NOX5: variants seen among roughly 807,000 people sequenced by gnomAD.
NOX5 encodes the protein NADPH oxidase 5.
In NOX5, 76 loss-of-function variants were observed where a neutral mutation model predicts 85.7. The observed-to-expected ratio is 0.89, with a 90% CI of 0.74 to 1.07. The LOEUF (loss-of-function observed/expected upper bound fraction) is 1.07, where lower values mean the gene tolerates loss of function less well. NOX5 is among the 50% of genes least tolerant of loss of function. The probability of loss-of-function intolerance (pLI) is 0.00; values close to 1 mark genes in which losing one functional copy is unlikely to be tolerated. For synonymous variants in NOX5, 405 were observed against 401.4 expected (o/e 1.01, Z -0.11); for missense variants, 973 against 999.5 (o/e 0.97, Z 0.36).
Position 69,047,452 on chromosome 15 carries a change from A to C in NOX5, c.1732A>C (p.Ile578Leu). ...DGPYGTPTRR[I>L]FASEHAVLIG... ...GCCTTATGGGACCCCCACCCGCAGG[A>C]TCTTTGCCTCTGAGCATGCCGTGCT... is the stretch of plus-strand genomic sequence containing the variant. Residue 578 changes from isoleucine to leucine, a missense_variant, in exon 12 of 16, where the codon ATC becomes CTC. Transcript: ENST00000388866. 1.2e-6 allele frequency: 2 copies of C among 1,613,782 alleles called. No individual in the cohort carries two copies. The highest frequency in any genetic ancestry group is 1.7e-6 in the Non-Finnish European group (2 of 1,179,934).
At chr15:69,022,681 GA>G (rs796168439) in intron 1 of NOX5, 33 of 184,626 alleles carry the variant, frequency 1.8e-4, no homozygotes, top group South Asian at 7.1e-4. Context: ...GATGAATTGT[GA>G]AAAAAAAATG....
intron 2 of NOX5, 84 bp downstream of exon 2, chr15:69,026,735 G>T: frequency 6.3e-7 from 1 of 1,583,242 alleles, no homozygotes. Flanking sequence ...GGGAGGGAAA[G>T]GGAACTCCCT....
At chr15:69,029,861 T>A (rs2050407366) in intron 3 of NOX5, 1 of 152,142 alleles carries the variant, frequency 6.6e-6, no homozygotes, top group Admixed American at 6.5e-5. Context: ...GTATTTTTCA[T>A]AGAGATAGGG....
At position 69,016,796 on chromosome 15, in the gene NOX5, G is replaced by T. The variant is rs1376343981; in HGVS notation, c.50+2011G>T. On this transcript the variant is annotated intron_variant, in intron 1 of 15. Coordinates refer to ENST00000388866, the MANE Select transcript of NOX5 (RefSeq NM_024505.4). ...ACACACTAAAGCATATATGACATAT[G>T]CATATATATATATACATACATACAT... 4.0e-5 allele frequency among the ~76,000 whole-genome samples: 6 copies of T among 148,764 alleles called. No individual in the cohort carries two copies. In the East Asian group the frequency reaches 8.0e-4, roughly 20 times the overall value.
chr15:69,040,139 G>A (rs2050575326), intron 9 of NOX5, among the ~76,000 whole-genome samples: 1 of 152,274 alleles, frequency 6.6e-6, no homozygotes, highest in South Asian at 2.1e-4. Context: ...CAAGGCCAGG[G>A]TTTCCCCATG....
At chr15:69,052,323 ATT>A (rs1225266624) in intron 14 of NOX5, among the ~76,000 whole-genome samples, 1 of 152,066 alleles carries the variant, frequency 6.6e-6, no homozygotes, top group Non-Finnish European at 1.5e-5. Context: ...TTTACTAAGC[ATT>A]TACTCTCATC....
intron 1 of NOX5, among the ~76,000 whole-genome samples, chr15:69,024,436 G>T (rs141400805): frequency 6.6e-6 from 1 of 151,978 alleles, no homozygotes; most frequent in Non-Finnish European, 1.5e-5. Flanking sequence ...GAGCCTTTCT[G>T]CTCTGTCCCA....
At chr15:69,048,855 C>T (rs2050709697) in intron 13 of NOX5, 104 bp from the exon 14 acceptor site, 1 of 720,932 alleles carries the variant, frequency 1.4e-6, no homozygotes, top group Non-Finnish European at 2.3e-6. Context: ...CTGAATGTTC[C>T]CTGCTTACTT....
rs1279119942 is a variant in NOX5, at chr15:69,062,249, G to A, written c.*5553G>A. Reference sequence around the variant, plus strand: ...TAAATTGCCTATTGCCTGAATTGGTGCATCAGAGACAGGCTGGAGAAAGGA... The same window carrying A: ...TAAATTGCCTATTGCCTGAATTGGTACATCAGAGACAGGCTGGAGAAAGGA... On this transcript the variant is annotated 3_prime_UTR_variant, in exon 16 of 16. Transcript: ENST00000388866. The A allele has an allele frequency of 6.6e-6, 1 of 151,880 alleles. No homozygotes were observed. The highest frequency in any genetic ancestry group is 1.5e-5 in the Non-Finnish European group (1 of 67,970). 9.4% of individuals were successfully genotyped at this position (151,880 alleles called of 1,614,324 possible). A position where few individuals can be genotyped will look rare whatever the true frequency, so the allele number is the denominator to read the frequency against.
At chr15:69,044,965 C>G (rs1247198207) in intron 10 of NOX5, among the ~76,000 whole-genome samples, 1 of 152,148 alleles carries the variant, frequency 6.6e-6, no homozygotes, top group Non-Finnish European at 1.5e-5. Flanking sequence ...AAGGGAGATC[C>G]CTGGCCGCAG....
At chr15:69,017,527 T>A (rs992780155) in intron 1 of NOX5, among the ~76,000 whole-genome samples, 1 of 152,178 alleles carries the variant, frequency 6.6e-6, no homozygotes, top group Non-Finnish European at 1.5e-5. Flanking sequence ...TGAATCTACC[T>A]ACGACCCGGA....
chr15:69,043,899 T>C (rs796260289), intron 10 of NOX5, among the ~76,000 whole-genome samples: 16 of 152,272 alleles, frequency 1.1e-4, no homozygotes, highest in South Asian at 2.1e-4. Context: ...TAAAAGCTAA[T>C]TGGGGGCCGG....
In NOX5 at chr15:69,046,803, T is replaced by C. The variant is rs750136428; in HGVS notation, c.1648-19T>C. The C allele has an allele frequency of 2.7e-5, 43 of 1,611,880 alleles. No homozygotes were observed. The highest frequency in any genetic ancestry group is 3.3e-4 in the Middle Eastern group (2 of 6,052). Reference sequence around the variant, plus strand: ...CTGTCCATTCCAAGACCCATAACTCTCTGCTCTACTCCCTGCAGGGCTCTG... The same window carrying C: ...CTGTCCATTCCAAGACCCATAACTCCCTGCTCTACTCCCTGCAGGGCTCTG... On this transcript the variant is annotated intron_variant, in intron 10 of 15. Coordinates refer to ENST00000388866, the MANE Select transcript of NOX5 (RefSeq NM_024505.4).
At position 69,014,708 on chromosome 15, in the gene NOX5, G is replaced by A. The variant is rs138891084; in HGVS notation, c.-28G>A. The A allele has an allele frequency of 4.9e-3, 7,633 of 1,550,348 alleles. 38 individuals carry two copies. The highest frequency in any genetic ancestry group is 7.3e-3 in the Middle Eastern group (44 of 5,990). On this transcript the variant is annotated 5_prime_UTR_variant, in exon 1 of 16. Transcript: ENST00000388866. ...AGCTCAATGGACAGCAGTCTTTCTGGGACCTGTGATCTAGAAGACAGGAGA... is the reference window on the plus strand; with the variant it reads ...AGCTCAATGGACAGCAGTCTTTCTGAGACCTGTGATCTAGAAGACAGGAGA...
In NOX5 at chr15:69,035,853, C is replaced by T; in HGVS notation, c.1105C>T (p.Pro369Ser). 6.2e-7 allele frequency: 1 copy of T among 1,614,108 alleles called. No individual in the cohort carries two copies. Among genetic ancestry groups the T allele is most frequent in the Non-Finnish European group, 8.5e-7 (1 of 1,179,962 alleles). ...TGGCTGGGTACACGGTTCGGCCTCC[C>T]CGACAGGTGTCGCTCTGCTGCTGCT... ...GIGWVHGSASPTGVALLLLLL... is the reference protein window; with the variant it reads ...GIGWVHGSASSTGVALLLLLL... The change falls in exon 7 of 16, where the codon CCG (proline) becomes TCG (serine). Residue 369 changes from proline (P) to serine (S), a missense_variant. Pro to Ser is a moderately conservative substitution (Grantham distance 74). Transcript: ENST00000388866.
At chr15:69,026,423 G>C in intron 1 of NOX5, 105 bp from the exon 2 acceptor site, 1 of 1,436,686 alleles carries the variant, frequency 7.0e-7, no homozygotes, top group East Asian at 2.3e-5. Flanking sequence ...ACTCAGGGAG[G>C]CTCAGGGCCC....
chr15:69,018,103 C>T (rs2050252463), intron 1 of NOX5, among the ~76,000 whole-genome samples: 1 of 151,978 alleles, frequency 6.6e-6, no homozygotes, highest in Non-Finnish European at 1.5e-5. Context: ...GGTCCATGGA[C>T]CGGACCGCAC....
Position 69,028,371 on chromosome 15 carries a change from G to A in NOX5, c.325+6G>A. 6 of 1,588,064 alleles carry A rather than the reference G, an allele frequency of 3.8e-6. No individual in the cohort carries two copies. Among genetic ancestry groups the A allele is most frequent in the Non-Finnish European group, 4.3e-6 (5 of 1,165,652 alleles). Reference sequence around the variant, plus strand: ...CCAGGTGTATGACATCGATGGTAAGGGCTCTTCCTGGGTGTGGGCTGGGGT... The same window carrying A: ...CCAGGTGTATGACATCGATGGTAAGAGCTCTTCCTGGGTGTGGGCTGGGGT... On this transcript the variant is annotated splice_donor_region_variant and intron_variant, in intron 3 of 15. Transcript: ENST00000388866.
Position 69,035,913 on chromosome 15 carries a change from A to G in NOX5, c.1165A>G (p.Ile389Val), listed in dbSNP as rs2050510213. The change falls in exon 7 of 16, where the codon ATC becomes GTC. Residue 389 changes from isoleucine to valine, a missense_variant. Coordinates refer to ENST00000388866, the MANE Select transcript of NOX5 (RefSeq NM_024505.4). ...LLMFICSSSC[I>V]RRSGHFEVFY... The stretch of plus-strand genomic sequence containing the variant: ...CATGTTCATCTGCTCCAGTTCCTGC[A>G]TCCGCAGGAGTGGCCACTTTGAGGT... 3 of 1,613,844 alleles carry G rather than the reference A, an allele frequency of 1.9e-6. No homozygotes were observed. The African/African-American group carries it at 4.0e-5, about 22-fold the overall frequency.
Sources: allele counts gnomAD v4.1 joint callset (sites outside exome capture counted in the v4.1 genomes callset), GRCh38; gene constraint gnomAD v4.1.1; transcripts MANE v1.5; gene names NCBI Gene and HGNC (gene_info 2026-07-23, HGNC 2026-07-21).